Variants in SLC12A1 observed in about 807,000 individuals in gnomAD.
SLC12A1 encodes the protein Na-K-2Cl cotransporter.
SLC12A1 carries 89 observed loss-of-function variants against 130.4 expected under a neutral mutation model. The observed-to-expected ratio is 0.68, with a 90% CI of 0.58 to 0.81. The LOEUF is 0.81. Ranked by LOEUF, SLC12A1 falls within the 40% of genes least tolerant of loss-of-function variation. The probability of loss-of-function intolerance (pLI) is 0.00; values close to 1 mark genes in which losing one functional copy is unlikely to be tolerated. For synonymous variants in SLC12A1, 499 were observed against 460.0 expected (o/e 1.08, Z -1.09); for missense variants, 1,310 against 1,336.4 (o/e 0.98, Z 0.31).
At chr15:48,280,159 A>G (rs1052553168) in intron 20 of SLC12A1, among the ~76,000 whole-genome samples, 8 of 149,898 alleles carry the variant, frequency 5.3e-5, no homozygotes, top group African/African-American at 2.0e-4. Flanking sequence ...TATTTCTAAA[A>G]GATATCTTAA....
intron 2 of SLC12A1, among the ~76,000 whole-genome samples, chr15:48,211,908 A>G (rs1272136677): frequency 6.6e-6 from 1 of 152,200 alleles, no homozygotes; most frequent in Non-Finnish European, 1.5e-5. Context: ...AATTCTTTTT[A>G]TTATCTATGT....
chr15:48,261,058 C>T (rs1298787333), intron 17 of SLC12A1, among the ~76,000 whole-genome samples: 1 of 152,120 alleles, frequency 6.6e-6, no homozygotes, highest in Non-Finnish European at 1.5e-5. Flanking sequence ...TCTTATCAAG[C>T]ACCCCTCTCT....
chr15:48,222,370 G>T (rs1180453959), intron 4 of SLC12A1: 1 of 152,190 alleles, frequency 6.6e-6, no homozygotes, highest in Non-Finnish European at 1.5e-5. Context: ...ACTCTTCACA[G>T]TCAACCCAGT....
intron 16 of SLC12A1, among the ~76,000 whole-genome samples, chr15:48,256,831 C>CCG (rs1050866593): frequency 2.7e-5 from 4 of 147,970 alleles, no homozygotes; most frequent in African/African-American, 1.0e-4. Flanking sequence ...GGCCCCCCCC[C>CCG]CCAAATTTCT....
At chr15:48,229,084 G>C in intron 5 of SLC12A1, 105 bp from the exon 6 acceptor site, 1 of 1,246,048 alleles carries the variant, frequency 8.0e-7, no homozygotes. Context: ...TTGTAATACT[G>C]TTATTGAAAT....
intron 2 of SLC12A1, among the ~76,000 whole-genome samples, chr15:48,213,001 C>A (rs1160304496): frequency 6.6e-6 from 1 of 152,202 alleles, no homozygotes; most frequent in East Asian, 1.9e-4. Flanking sequence ...TCCTTAACAA[C>A]AACCCCTCAA....
intron 2 of SLC12A1, among the ~76,000 whole-genome samples, chr15:48,208,398 G>C (rs966381177): frequency 1.3e-5 from 2 of 151,704 alleles, no homozygotes; most frequent in Non-Finnish European, 2.9e-5. Context: ...CTGCAGCTTT[G>C]AACTCCTGGG....
chr15:48,250,676 TCACA>T (rs56705329), intron 14 of SLC12A1, among the ~76,000 whole-genome samples: 85,448 of 145,940 alleles, frequency 0.59, 28,980 homozygotes, highest in Non-Finnish European at 0.76. Context: ...AATGTCTGCC[TCACA>T]CACACACACA....
chr15:48,294,030 C>A (rs1180392470), intron 24 of SLC12A1, among the ~76,000 whole-genome samples: 2 of 149,182 alleles, frequency 1.3e-5, no homozygotes, highest in Admixed American at 6.7e-5. Context: ...CAGAGTGAGA[C>A]CCTATCTCAA....
Position 48,288,339 on chromosome 15 carries a change from T to C in SLC12A1, c.2762-66T>C, listed in dbSNP as rs185498015. 16 of 1,077,212 alleles carry C rather than the reference T, an allele frequency of 1.5e-5. No individual in the cohort carries two copies. The Admixed American group carries it at 3.0e-4, about 20-fold the overall frequency. 66.7% of individuals were successfully genotyped at this position (1,077,212 alleles called of 1,614,324 possible). A position where few individuals can be genotyped will look rare whatever the true frequency, so the allele number is the denominator to read the frequency against. On this transcript the variant is annotated intron_variant, in intron 22 of 26. Transcript: ENST00000380993. ...CTATCAATGTGGTAATGAATAAAGA[T>C]ATAAAGCTATTCATTTCCTTCCATT... is the stretch of plus-strand genomic sequence containing the variant.
chr15:48,292,418 T>TA lies in SLC12A1; in HGVS notation c.2960+564dup, dbSNP rs557641915. ...GAAAAGAAATGTATTGGCTCCAAAA[T>TA]AAAAAAAAAAGAAAATGACAAAATA... On this transcript the variant is annotated intron_variant, in intron 24 of 26. Coordinates refer to ENST00000380993, the MANE Select transcript of SLC12A1 (RefSeq NM_000338.3). Among the ~76,000 whole-genome samples the TA allele has an allele frequency of 5.7e-3, 841 of 147,192 alleles. 5 individuals carry two copies. Among genetic ancestry groups the TA allele is most frequent in the Non-Finnish European group, 6.5e-3 (434 of 66,352 alleles).
chr15:48,226,766 G>C (rs2041294038), intron 5 of SLC12A1, 195 bp downstream of exon 5: 1 of 619,514 alleles, frequency 1.6e-6, no homozygotes, highest in East Asian at 2.8e-5. Context: ...TTTTCTAATG[G>C]ATCTCTCTGG....
At chr15:48,208,727 C>T (rs537813500) in intron 2 of SLC12A1, among the ~76,000 whole-genome samples, 23 of 152,304 alleles carry the variant, frequency 1.5e-4, no homozygotes, top group Non-Finnish European at 3.2e-4. Context: ...TGGTTAAACA[C>T]GTCAAACTGA....
At chr15:48,226,633 A>G in intron 5 of SLC12A1, 62 bp downstream of exon 5, 2 of 986,016 alleles carry the variant, frequency 2.0e-6, no homozygotes, top group East Asian at 2.4e-5. Context: ...ACAATTTTTT[A>G]TACTTCTTTT....
At position 48,302,744 on chromosome 15, in the gene SLC12A1, C is replaced by A; in HGVS notation, c.3165-6C>A. Reference sequence around the variant, plus strand: ...TCATTTTTAAATTTTTCCTTCATGTCATTAGGAGCCTTCCCGTGGCAAGAA... The same window carrying A: ...TCATTTTTAAATTTTTCCTTCATGTAATTAGGAGCCTTCCCGTGGCAAGAA... On this transcript the variant is annotated splice_region_variant and splice_polypyrimidine_tract_variant and intron_variant, in intron 26 of 26. Coordinates refer to ENST00000380993, the MANE Select transcript of SLC12A1 (RefSeq NM_000338.3). 6.2e-7 allele frequency: 1 copy of A among 1,600,060 alleles called. No homozygotes were observed. Among genetic ancestry groups the A allele is most frequent in the East Asian group, 2.2e-5 (1 of 44,490 alleles).
intron 9 of SLC12A1, chr15:48,235,450 A>G (rs1332509680): frequency 4.9e-6 from 1 of 206,094 alleles, no homozygotes; most frequent in Non-Finnish European, 9.9e-6. Context: ...ATGAGTTAGG[A>G]TATGGGAATG....
chr15:48,224,457 T>G (rs1243600654), intron 4 of SLC12A1: 2 of 152,194 alleles, frequency 1.3e-5, no homozygotes, highest in Non-Finnish European at 2.9e-5. Context: ...TGGGCTTATA[T>G]ATCATCTTAA....
In SLC12A1 at chr15:48,230,501, A is replaced by C; in HGVS notation, c.973A>C (p.Lys325Gln). ...ISVAGMEWEA[K>Q]AQVILLVILL... Reference sequence around the variant, plus strand: ...AGTAGCTGGAATGGAATGGGAGGCAAAGGTAAATTTCTCAAAAATGATATT... The same window carrying C: ...AGTAGCTGGAATGGAATGGGAGGCACAGGTAAATTTCTCAAAAATGATATT... Residue 325 changes from lysine to glutamine, a missense_variant and splice_region_variant, in exon 7 of 27, where the codon AAG (lysine) becomes CAG (glutamine). Transcript: ENST00000380993. The C allele has an allele frequency of 6.3e-7, 1 of 1,595,912 alleles. No individual in the cohort carries two copies. The highest frequency in any genetic ancestry group is 1.7e-4 in the Middle Eastern group (1 of 6,036).
At chr15:48,221,888 C>T (rs944507639) in intron 4 of SLC12A1, among the ~76,000 whole-genome samples, 1 of 152,166 alleles carries the variant, frequency 6.6e-6, no homozygotes, top group African/African-American at 2.4e-5. Context: ...TCTCAATTCA[C>T]ATTTTAAAAG....
Sources: gnomAD v4.1 joint callset for allele counts (sites outside exome capture counted in the v4.1 genomes callset) on GRCh38, gnomAD v4.1.1 for gene constraint, MANE v1.5 for transcripts, NCBI Gene and HGNC (gene_info 2026-07-23, HGNC 2026-07-21) for gene names.